The following CALCRL variants were observed in gnomAD, a reference collection of about 807,000 sequenced individuals.
The protein encoded by CALCRL is calcitonin receptor like receptor, also known as calcitonin gene-related peptide type 1 receptor.
A neutral mutation model predicts 60.4 loss-of-function variants in CALCRL; 27 were observed. That is an observed-to-expected ratio of 0.45 (90% CI 0.33 to 0.62). The LOEUF is 0.62. Ranked by LOEUF, CALCRL falls within the 20% of genes least tolerant of loss-of-function variation. The pLI, the probability that CALCRL is intolerant of heterozygous loss-of-function variation, is 0.03. For synonymous variants in CALCRL, 190 were observed against 182.6 expected (o/e 1.04, Z -0.33); for missense variants, 424 against 540.7 (o/e 0.78, Z 2.14).
intron 1 of CALCRL, among the ~76,000 whole-genome samples, chr2:187,445,011 C>A (rs999269918): frequency 7.9e-5 from 12 of 151,344 alleles, no homozygotes; most frequent in African/African-American, 2.7e-4. Context: ...ATTTGTAATC[C>A]AGTATGGTAC....
chr2:187,369,639 G>T (rs183610744), intron 8 of CALCRL, among the ~76,000 whole-genome samples: 10 of 152,222 alleles, frequency 6.6e-5, no homozygotes, highest in Non-Finnish European at 1.5e-4. Context: ...TAGAACTGGG[G>T]AAACAGTTGT....
chr2:187,386,946 T>A (rs1374530693), intron 3 of CALCRL, among the ~76,000 whole-genome samples: 1 of 152,216 alleles, frequency 6.6e-6, no homozygotes, highest in South Asian at 2.1e-4. Context: ...TTTCACCTTC[T>A]GCCATGATTG....
chr2:187,411,025 A>C (rs1254528748), intron 1 of CALCRL, among the ~76,000 whole-genome samples: 2 of 152,188 alleles, frequency 1.3e-5, no homozygotes, highest in Non-Finnish European at 2.9e-5. Context: ...GTGACAGAAG[A>C]AGGAATTGCA....
At chr2:187,378,907 G>A in intron 8 of CALCRL, 33 bp downstream of exon 8, 3 of 1,304,136 alleles carry the variant, frequency 2.3e-6, no homozygotes, top group Non-Finnish European at 3.3e-6. Flanking sequence ...AAGACATCTA[G>A]TAATTTTCTT....
chr2:187,390,577 A>G (rs1275644927), intron 1 of CALCRL, among the ~76,000 whole-genome samples: 2 of 152,150 alleles, frequency 1.3e-5, no homozygotes, highest in Non-Finnish European at 2.9e-5. Flanking sequence ...AGAGTTCCAA[A>G]AAGTATCTTA....
In CALCRL at chr2:187,445,473, A is replaced by G. The variant is rs145073552; in HGVS notation, c.-293+2566T>C. On this transcript the variant is annotated intron_variant, in intron 1 of 14. Transcript: ENST00000392370. ...AGTTTTTGATCCTTTAAAGATTATT[A>G]TATTTTTTCTATAAAGATCTAGAAC... Among the ~76,000 whole-genome samples the G allele has an allele frequency of 5.3e-5, 8 of 151,718 alleles. No individual in the cohort carries two copies. The East Asian group carries it at 1.4e-3, about 26-fold the overall frequency.
Position 187,434,419 on chromosome 2 carries a change from G to A in CALCRL, c.-293+13620C>T, listed in dbSNP as rs116440656. The stretch of plus-strand genomic sequence containing the variant: ...TGTGACTCATAATAAGGAAAATGCA[G>A]ATTAAAACCACAATGAGATGCTATG... On this transcript the variant is annotated intron_variant, in intron 1 of 14. Coordinates refer to ENST00000392370, the MANE Select transcript of CALCRL (RefSeq NM_005795.6). 4.3e-3 allele frequency among the ~76,000 whole-genome samples: 654 copies of A among 152,194 alleles called. 5 individuals are homozygous for A. Among genetic ancestry groups the A allele is most frequent in the South Asian group, 0.018 (88 of 4,830 alleles).
rs79150256 is a variant in CALCRL, at chr2:187,425,763, T to G, written c.-293+22276A>C. Among the ~76,000 whole-genome samples, 148 of 152,104 alleles carry G rather than the reference T, an allele frequency of 9.7e-4. 2 individuals carry two copies. The East Asian group carries it at 0.022, about 22-fold the overall frequency. ...TTCAAGTTTTTCTGTTGACACCTTG[T>G]GTAAAATAATTTTGAAAGAACTTCA... is the stretch of plus-strand genomic sequence containing the variant. On this transcript the variant is annotated intron_variant, in intron 1 of 14. Transcript: ENST00000392370.
At chr2:187,419,023 A>ATTTTTTTTTT (rs33929530) in intron 1 of CALCRL, among the ~76,000 whole-genome samples, 1 of 85,986 alleles carries the variant, frequency 1.2e-5, no homozygotes, top group African/African-American at 4.8e-5. Context: ...CGTCTGGCTA[A>ATTTTTTTTTT]TTTTTTTTTT....
intron 1 of CALCRL, among the ~76,000 whole-genome samples, chr2:187,418,057 T>C (rs1689697089): frequency 6.6e-6 from 1 of 152,192 alleles, no homozygotes; most frequent in Non-Finnish European, 1.5e-5. Flanking sequence ...CCCAGCTTAG[T>C]TTGAGGTTAA....
intron 5 of CALCRL, among the ~76,000 whole-genome samples, chr2:187,382,377 T>C (rs892244836): frequency 6.6e-6 from 1 of 152,314 alleles, no homozygotes; most frequent in African/African-American, 2.4e-5. Context: ...ACTTTTATTA[T>C]GAAACTTTAC....
At chr2:187,431,797 G>A (rs961308356) in intron 1 of CALCRL, among the ~76,000 whole-genome samples, 4 of 151,792 alleles carry the variant, frequency 2.6e-5, no homozygotes, top group Admixed American at 2.0e-4. Flanking sequence ...AAAATGGCCA[G>A]TTTTGATAAG....
intron 8 of CALCRL, among the ~76,000 whole-genome samples, chr2:187,372,322 T>A (rs1054317582): frequency 5.9e-5 from 9 of 151,620 alleles, no homozygotes; most frequent in Non-Finnish European, 8.8e-5. Flanking sequence ...GAGTTTATTT[T>A]TTTTTTTTAT....
At chr2:187,370,898 A>G (rs1263808548) in intron 8 of CALCRL, among the ~76,000 whole-genome samples, 1 of 152,218 alleles carries the variant, frequency 6.6e-6, no homozygotes. Flanking sequence ...AGAGGGATGG[A>G]TTTTTATGTA....
At chr2:187,394,304 C>CTT in intron 1 of CALCRL, among the ~76,000 whole-genome samples, 1 of 152,116 alleles carries the variant, frequency 6.6e-6, no homozygotes, top group African/African-American at 2.4e-5. Context: ...CCCCCAGAGT[C>CTT]TACAAAAGGG....
At chr2:187,380,375 TA>T in intron 7 of CALCRL, 91 bp downstream of exon 7, 1 of 700,468 alleles carries the variant, frequency 1.4e-6, no homozygotes, top group Non-Finnish European at 2.5e-6. Flanking sequence ...GGGAATGGAA[TA>T]ATGACTTTAT....
chr2:187,359,002 A>G (rs374081862), intron 12 of CALCRL, 61 bp downstream of exon 12: 14 of 1,342,710 alleles, frequency 1.0e-5, no homozygotes, highest in East Asian at 2.3e-5. Flanking sequence ...CATAGGCCAG[A>G]TGATTCAGAA....
intron 1 of CALCRL, among the ~76,000 whole-genome samples, chr2:187,391,988 ATGT>A (rs1277719398): frequency 1.3e-5 from 2 of 152,104 alleles, no homozygotes; most frequent in African/African-American, 4.8e-5. Context: ...GTGTAAAAGC[ATGT>A]TTTATTGTAC....
intron 1 of CALCRL, among the ~76,000 whole-genome samples, chr2:187,411,054 C>T (rs1246857073): frequency 6.6e-6 from 1 of 152,072 alleles, no homozygotes; most frequent in Non-Finnish European, 1.5e-5. Flanking sequence ...AAATCAACTT[C>T]AATTACTCAT....
Sources: gnomAD v4.1 joint callset for allele counts (sites outside exome capture counted in the v4.1 genomes callset) on GRCh38, gnomAD v4.1.1 for gene constraint, MANE v1.5 for transcripts, NCBI Gene and HGNC (gene_info 2026-07-23, HGNC 2026-07-21) for gene names.